Variants in OBI1 observed in about 807,000 individuals in gnomAD.
OBI1 encodes ORC ubiquitin ligase 1.
OBI1 carries 59 observed loss-of-function variants against 62.4 expected under a neutral mutation model. That is an observed-to-expected ratio of 0.95 (90% confidence interval 0.77 to 1.17). The LOEUF is 1.17. Among genes scored for constraint, OBI1 ranks in the 50% most tolerant of loss-of-function variants. The pLI is 0.00. For missense variants in OBI1, 875 were observed against 830.9 expected, an observed-to-expected ratio of 1.05 and a Z score of -0.65; for synonymous variants, 302 against 292.8, an observed-to-expected ratio of 1.03 and a Z score of -0.32.
chr13:78,618,737 A>G (rs1359879937), intron 5 of OBI1, among the ~76,000 whole-genome samples: 1 of 152,216 alleles, frequency 6.6e-6, no homozygotes, highest in Non-Finnish European at 1.5e-5. Context: ...TAACAAAAAC[A>G]AAAGCAACTA....
chr13:78,638,205 G>T (rs1292535121), intron 4 of OBI1, among the ~76,000 whole-genome samples: 1 of 151,882 alleles, frequency 6.6e-6, no homozygotes, highest in African/African-American at 2.4e-5. Context: ...TCCCTTTCTA[G>T]GCCGAAAAAT....
intron 5 of OBI1, among the ~76,000 whole-genome samples, chr13:78,633,416 A>C (rs1317960910): frequency 6.6e-6 from 1 of 152,180 alleles, no homozygotes; most frequent in Non-Finnish European, 1.5e-5. Context: ...TACCAAGGGC[A>C]ACATTTCCTC....
chr13:78,626,600 G>A (rs1198720744), intron 5 of OBI1, among the ~76,000 whole-genome samples: 1 of 152,082 alleles, frequency 6.6e-6, no homozygotes, highest in Non-Finnish European at 1.5e-5. Flanking sequence ...GATTAACCAG[G>A]AAGAATAAAA....
intron 5 of OBI1, among the ~76,000 whole-genome samples, chr13:78,619,340 TTA>T (rs1344507702): frequency 2.0e-5 from 3 of 151,836 alleles, no homozygotes; most frequent in Non-Finnish European, 4.4e-5. Context: ...TTTTTTTTTT[TTA>T]GAAATTATGT....
At chr13:78,630,564 T>C (rs1306150422) in intron 5 of OBI1, among the ~76,000 whole-genome samples, 1 of 152,150 alleles carries the variant, frequency 6.6e-6, no homozygotes, top group Non-Finnish European at 1.5e-5. Flanking sequence ...TGGTATAATA[T>C]TTAAAGGTAA....
chr13:78,631,535 T>C (rs940492829), intron 5 of OBI1, among the ~76,000 whole-genome samples: 1 of 152,148 alleles, frequency 6.6e-6, no homozygotes, highest in Non-Finnish European at 1.5e-5. Context: ...CCTTGAGCTC[T>C]GAAGATCAAA....
chr13:78,642,976 G>C (rs1876265061), intron 2 of OBI1, among the ~76,000 whole-genome samples: 1 of 152,128 alleles, frequency 6.6e-6, no homozygotes, highest in Non-Finnish European at 1.5e-5. Context: ...ACAATGGACT[G>C]TAAGTCATGG....
At chr13:78,628,783 G>T (rs545900742) in intron 5 of OBI1, among the ~76,000 whole-genome samples, 1 of 152,224 alleles carries the variant, frequency 6.6e-6, no homozygotes, top group African/African-American at 2.4e-5. Context: ...TTGAATCCAG[G>T]AAGTCTGATT....
chr13:78,629,948 G>C (rs1875795822), intron 5 of OBI1, among the ~76,000 whole-genome samples: 1 of 152,132 alleles, frequency 6.6e-6, no homozygotes, highest in Admixed American at 6.5e-5. Flanking sequence ...TTACTGAGTA[G>C]TACCACGATA....
At chr13:78,626,516 CCT>C (rs1265819026) in intron 5 of OBI1, among the ~76,000 whole-genome samples, 1 of 152,080 alleles carries the variant, frequency 6.6e-6, no homozygotes, top group Non-Finnish European at 1.5e-5. Flanking sequence ...GAAAATGCTA[CCT>C]CTGTCTAGGA....
chr13:78,658,598 G>T (rs1359730810), intron 1 of OBI1, among the ~76,000 whole-genome samples: 1 of 152,214 alleles, frequency 6.6e-6, no homozygotes, highest in Non-Finnish European at 1.5e-5. Flanking sequence ...ACACAGCACC[G>T]TAGGCCCCAG....
intron 5 of OBI1, among the ~76,000 whole-genome samples, chr13:78,629,748 G>A (rs759721198): frequency 1.3e-5 from 2 of 152,126 alleles, no homozygotes; most frequent in Non-Finnish European, 2.9e-5. Flanking sequence ...ATGTGGGGAT[G>A]TGACACGCTT....
chr13:78,646,919 G>A (rs1256206399), intron 1 of OBI1, among the ~76,000 whole-genome samples: 4 of 152,176 alleles, frequency 2.6e-5, no homozygotes, highest in Non-Finnish European at 5.9e-5. Context: ...CTGTTAATCT[G>A]TAACTTTGCC....
intron 3 of OBI1, 88 bp downstream of exon 3, chr13:78,642,034 T>C: frequency 1.7e-6 from 1 of 576,380 alleles, no homozygotes; most frequent in Non-Finnish European, 3.1e-6. Context: ...CATTGGATAT[T>C]TACTCTAAGA....
intron 3 of OBI1, among the ~76,000 whole-genome samples, chr13:78,639,872 T>C (rs1876156432): frequency 7.0e-6 from 1 of 142,730 alleles, no homozygotes; most frequent in Non-Finnish European, 1.5e-5. Context: ...GGGATAGCAC[T>C]GGGAGATATA....
At chr13:78,630,320 A>G (rs1219254545) in intron 5 of OBI1, among the ~76,000 whole-genome samples, 1 of 152,168 alleles carries the variant, frequency 6.6e-6, no homozygotes, top group African/African-American at 2.4e-5. Context: ...GGAGAACATA[A>G]TAAACTCCCA....
At chr13:78,637,292 T>G (rs1217538583) in intron 4 of OBI1, among the ~76,000 whole-genome samples, 1 of 152,214 alleles carries the variant, frequency 6.6e-6, no homozygotes, top group Non-Finnish European at 1.5e-5. Context: ...TTCATTCACT[T>G]ATGTCCCAGT....
chr13:78,653,158 T>C (rs557923349), intron 1 of OBI1, among the ~76,000 whole-genome samples: 123 of 152,318 alleles, frequency 8.1e-4, no homozygotes, highest in African/African-American at 2.6e-3. Context: ...GAGTTACACA[T>C]TGGCTTCAAA....
intron 2 of OBI1, among the ~76,000 whole-genome samples, chr13:78,643,626 T>C (rs1013799582): frequency 7.9e-5 from 12 of 152,020 alleles, no homozygotes; most frequent in African/African-American, 2.7e-4. Flanking sequence ...CCGTCTCTAA[T>C]AAAAATACAA....
Sources: allele counts gnomAD v4.1 joint callset (sites outside exome capture counted in the v4.1 genomes callset), GRCh38; gene constraint gnomAD v4.1.1; transcripts MANE v1.5; gene names NCBI Gene and HGNC (gene_info 2026-07-23, HGNC 2026-07-21).